The following PIP4K2A variants were observed in gnomAD, a reference collection of about 807,000 sequenced individuals.
The protein encoded by PIP4K2A is phosphatidylinositol-5-phosphate 4-kinase type 2 alpha.
A neutral mutation model predicts 42.9 loss-of-function variants in PIP4K2A; 14 were observed. That is an observed-to-expected ratio of 0.33 (90% CI 0.22 to 0.51). The LOEUF (loss-of-function observed/expected upper bound fraction) is 0.51, where lower values mean the gene tolerates loss of function less well. PIP4K2A is among the 20% of genes least tolerant of loss of function. PIP4K2A has a pLI of 0.97. For synonymous variants in PIP4K2A, 192 were observed against 192.2 expected (o/e 1.00, Z 0.01); for missense variants, 434 against 519.8 (o/e 0.83, Z 1.61).
At chr10:22,612,076 G>A (rs892401806) in intron 1 of PIP4K2A, among the ~76,000 whole-genome samples, 1 of 152,214 alleles carries the variant, frequency 6.6e-6, no homozygotes, top group Non-Finnish European at 1.5e-5. Context: ...ATGTTTTGTG[G>A]AGAAAATATG....
At chr10:22,542,462 T>C (rs989619614) in intron 7 of PIP4K2A, among the ~76,000 whole-genome samples, 2 of 152,100 alleles carry the variant, frequency 1.3e-5, no homozygotes, top group Non-Finnish European at 2.9e-5. Flanking sequence ...TCTCTGGTGG[T>C]AGTTCAGGAA....
At chr10:22,665,596 C>T (rs1017958095) in intron 1 of PIP4K2A, among the ~76,000 whole-genome samples, 3 of 146,352 alleles carry the variant, frequency 2.0e-5, no homozygotes, top group African/African-American at 7.8e-5. Context: ...GGTGCACCAC[C>T]ACACCTGGCT....
chr10:22,554,124 T>A (rs549620854), intron 6 of PIP4K2A, among the ~76,000 whole-genome samples: 1 of 151,908 alleles, frequency 6.6e-6, no homozygotes, highest in South Asian at 2.1e-4. Context: ...CTGGGTGACA[T>A]AGTAAGACCC....
At chr10:22,711,207 C>G (rs1475387482) in intron 1 of PIP4K2A, among the ~76,000 whole-genome samples, 1 of 152,206 alleles carries the variant, frequency 6.6e-6, no homozygotes, top group African/African-American at 2.4e-5. Flanking sequence ...ATGACCATTG[C>G]CCAAATCAAG....
At chr10:22,698,665 A>T (rs190806765) in intron 1 of PIP4K2A, among the ~76,000 whole-genome samples, 1 of 152,262 alleles carries the variant, frequency 6.6e-6, no homozygotes, top group Non-Finnish European at 1.5e-5. Context: ...CAACCTAATT[A>T]TTAAGCAGTG....
intron 6 of PIP4K2A, among the ~76,000 whole-genome samples, chr10:22,563,477 T>C (rs1264852058): frequency 1.3e-5 from 2 of 152,228 alleles, no homozygotes; most frequent in Non-Finnish European, 2.9e-5. Flanking sequence ...TTCACTACTT[T>C]AGAAAAAAAA....
At chr10:22,637,299 G>A (rs547109859) in intron 1 of PIP4K2A, among the ~76,000 whole-genome samples, 33 of 152,174 alleles carry the variant, frequency 2.2e-4, no homozygotes, top group Non-Finnish European at 2.6e-4. Flanking sequence ...CATCCATAAC[G>A]ATCTAAGATA....
chr10:22,542,371 G>A (rs1836144841), intron 7 of PIP4K2A, among the ~76,000 whole-genome samples: 2 of 152,198 alleles, frequency 1.3e-5, no homozygotes, highest in Admixed American at 6.5e-5. Flanking sequence ...AGAGAGACTG[G>A]GAGAGAGAGC....
At chr10:22,602,970 A>G (rs1443490607) in intron 3 of PIP4K2A, among the ~76,000 whole-genome samples, 1 of 152,222 alleles carries the variant, frequency 6.6e-6, no homozygotes, top group Non-Finnish European at 1.5e-5. Flanking sequence ...GAAATCTACA[A>G]GTGAAAGTTT....
In PIP4K2A at chr10:22,680,691, G is replaced by C. The variant is rs141336288; in HGVS notation, c.144+33492C>G. ...ATGACATGGGTCAAGAACTCAAGGA[G>C]GCTCAACATTGTGTTCCTGCGACAG... On this transcript the variant is annotated intron_variant, in intron 1 of 9. Coordinates refer to ENST00000376573, the MANE Select transcript of PIP4K2A (RefSeq NM_005028.5). 8.5e-5 allele frequency among the ~76,000 whole-genome samples: 13 copies of C among 152,312 alleles called. No individual in the cohort carries two copies. The East Asian group carries it at 2.5e-3, about 29-fold the overall frequency.
At chr10:22,661,460 G>A (rs1011150832) in intron 1 of PIP4K2A, among the ~76,000 whole-genome samples, 2 of 150,240 alleles carry the variant, frequency 1.3e-5, no homozygotes, top group Non-Finnish European at 3.0e-5. Flanking sequence ...GGGCTCAAGT[G>A]ATCCTCCTGC....
chr10:22,553,927 G>T (rs1331446155), intron 6 of PIP4K2A, among the ~76,000 whole-genome samples: 1 of 151,122 alleles, frequency 6.6e-6, no homozygotes, highest in Non-Finnish European at 1.5e-5. Flanking sequence ...CTGGAGCCCA[G>T]AAGTTCGAGA....
chr10:22,608,177 A>T (rs1244252307), intron 2 of PIP4K2A, among the ~76,000 whole-genome samples, 154 bp from the exon 3 acceptor site: 1 of 152,224 alleles, frequency 6.6e-6, no homozygotes, highest in African/African-American at 2.4e-5. Context: ...CAACCCGCAG[A>T]AAGATCCAGG....
chr10:22,642,748 C>A (rs1469301630), intron 1 of PIP4K2A, among the ~76,000 whole-genome samples: 3 of 151,716 alleles, frequency 2.0e-5, no homozygotes, highest in East Asian at 1.9e-4. Context: ...ATGAAAAGAT[C>A]TAGGGCTTGG....
At chr10:22,666,044 A>C (rs1460615578) in intron 1 of PIP4K2A, among the ~76,000 whole-genome samples, 8 of 152,162 alleles carry the variant, frequency 5.3e-5, no homozygotes, top group African/African-American at 1.4e-4. Context: ...GGTTTCTAAT[A>C]AACTTGACCA....
intron 1 of PIP4K2A, among the ~76,000 whole-genome samples, chr10:22,706,623 G>A (rs931446361): frequency 1.3e-5 from 2 of 152,144 alleles, no homozygotes; most frequent in Non-Finnish European, 2.9e-5. Context: ...CAATTTGAGA[G>A]CAAGGTCCAC....
chr10:22,615,426 T>C (rs1031904535), intron 1 of PIP4K2A, among the ~76,000 whole-genome samples: 3 of 152,224 alleles, frequency 2.0e-5, no homozygotes, highest in African/African-American at 7.2e-5. Context: ...TTGACACTTT[T>C]CTAAGATACT....
chr10:22,669,031 T>C (rs1348729818), intron 1 of PIP4K2A, among the ~76,000 whole-genome samples: 1 of 152,214 alleles, frequency 6.6e-6, no homozygotes, highest in East Asian at 1.9e-4. Flanking sequence ...AACATGTCTA[T>C]GGAGTTTTCA....
At chr10:22,580,424 C>T (rs1006235173) in intron 4 of PIP4K2A, among the ~76,000 whole-genome samples, 6 of 151,818 alleles carry the variant, frequency 4.0e-5, no homozygotes, top group Non-Finnish European at 5.9e-5. Context: ...CCAAGGCGGG[C>T]GGATTACTTG....
Sources: gnomAD v4.1 joint callset for allele counts (sites outside exome capture counted in the v4.1 genomes callset) on GRCh38, gnomAD v4.1.1 for gene constraint, MANE v1.5 for transcripts, NCBI Gene and HGNC (gene_info 2026-07-23, HGNC 2026-07-21) for gene names.